The following ARID4A variants were observed in gnomAD, a reference collection of about 807,000 sequenced individuals.
ARID4A encodes AT-rich interaction domain 4A, also known as AT-rich interactive domain-containing protein 4A.
A neutral mutation model predicts 148.6 loss-of-function variants in ARID4A; 39 were observed. The ratio of observed to expected loss-of-function variants is 0.26; its 90% CI spans 0.20 to 0.34. The LOEUF (loss-of-function observed/expected upper bound fraction) is 0.34. Ranked by LOEUF, ARID4A falls within the 10% of genes least tolerant of loss-of-function variation. The probability of loss-of-function intolerance (pLI) is 1.00; values close to 1 mark genes in which losing one functional copy is unlikely to be tolerated. For synonymous variants in ARID4A, 475 were observed against 481.2 expected (o/e 0.99, Z 0.17); for missense variants, 1,265 against 1,449.1 (o/e 0.87, Z 2.06).
At chr14:58,301,508 T>A (rs1054373293) in intron 2 of ARID4A, 72 bp from the exon 3 acceptor site, 3 of 1,063,716 alleles carry the variant, frequency 2.8e-6, no homozygotes, top group Non-Finnish European at 4.2e-6. Context: ...AAACACAACC[T>A]TTTAATGAGA....
intron 11 of ARID4A, among the ~76,000 whole-genome samples, chr14:58,336,146 A>G (rs1266978044): frequency 2.0e-5 from 3 of 152,146 alleles, no homozygotes; most frequent in African/African-American, 4.8e-5. Context: ...GCGTAATACT[A>G]CCTTTTTCTA....
chr14:58,372,013 G>A lies in ARID4A; in HGVS notation c.*24G>A. The A allele has an allele frequency of 6.6e-7, 1 of 1,511,270 alleles. No individual in the cohort carries two copies. Among genetic ancestry groups the A allele is most frequent in the Non-Finnish European group, 9.2e-7 (1 of 1,089,308 alleles). The allele number at this position is 1,511,270 out of a possible 1,614,324, so 93.6% of individuals were successfully genotyped here. A position where few individuals can be genotyped will look rare whatever the true frequency, so the allele number is the denominator to read the frequency against. ...GATAAACATTTTCTCTACCTTCCCAGCAGTTTGCTGCCATGGACATAAATC... is the reference window on the plus strand; with the variant it reads ...GATAAACATTTTCTCTACCTTCCCAACAGTTTGCTGCCATGGACATAAATC... On this transcript the variant is annotated 3_prime_UTR_variant, in exon 24 of 24. Transcript: ENST00000355431.
At chr14:58,367,093 T>A in intron 23 of ARID4A, 64 bp downstream of exon 23, 1 of 1,223,540 alleles carries the variant, frequency 8.2e-7, no homozygotes, top group Non-Finnish European at 1.1e-6. Flanking sequence ...TTTAGAAGAT[T>A]TAAATTTGAT....
chr14:58,359,352 T>C, intron 18 of ARID4A, 136 bp downstream of exon 18: 1 of 714,014 alleles, frequency 1.4e-6, no homozygotes, highest in South Asian at 2.5e-5. Flanking sequence ...TCCCATATAC[T>C]CTCTGCCCCA....
intron 3 of ARID4A, 61 bp downstream of exon 3, chr14:58,301,751 A>G (rs983326955): frequency 3.6e-5 from 46 of 1,269,004 alleles, no homozygotes; most frequent in Non-Finnish European, 5.1e-5. Flanking sequence ...TTGGGGAGAG[A>G]GAGACTGCAA....
In ARID4A at chr14:58,365,046, A is replaced by G. The variant is rs2035292549; in HGVS notation, c.2957A>G (p.Asn986Ser). 1 of 1,613,934 alleles carries G rather than the reference A, an allele frequency of 6.2e-7. No homozygotes were observed. Among genetic ancestry groups the G allele is most frequent in the African/African-American group, 1.3e-5 (1 of 74,882 alleles). Residue 986 changes from asparagine (N) to serine (S), a missense_variant, in exon 20 of 24, where the codon AAC (asparagine) becomes AGC (serine). By Grantham distance (46) the Asn-to-Ser change is conservative. This residue lies in a region of ARID4A where 666 missense variants were observed against 730.9 expected (regional missense o/e 0.91). Coordinates refer to ENST00000355431, the MANE Select transcript of ARID4A (RefSeq NM_002892.4). ...EDVAVESSES[N>S]SLVSIPPALP... ...GTAGCAGTTGAAAGCTCTGAGTCTA[A>G]CTCTCTTGTTTCTATTCCACCTGCC... is the stretch of plus-strand genomic sequence containing the variant.
At chr14:58,350,969 C>G (rs2034611801) in intron 15 of ARID4A, 104 bp from the exon 16 acceptor site, 1 of 1,232,092 alleles carries the variant, frequency 8.1e-7, no homozygotes, top group East Asian at 2.6e-5. Context: ...GGCCACGTTT[C>G]AAGCCAGAGA....
chr14:58,337,759 T>C (rs996624006), intron 11 of ARID4A, among the ~76,000 whole-genome samples: 53 of 152,274 alleles, frequency 3.5e-4, no homozygotes, highest in African/African-American at 1.3e-3. Flanking sequence ...GCTTGTATTT[T>C]GTTCCACTTA....
chr14:58,353,079 A>G (rs1418910059), intron 16 of ARID4A, among the ~76,000 whole-genome samples: 1 of 152,184 alleles, frequency 6.6e-6, no homozygotes, highest in Non-Finnish European at 1.5e-5. Context: ...ATGGTTACTA[A>G]GGTAGATAGC....
intron 19 of ARID4A, among the ~76,000 whole-genome samples, chr14:58,362,889 T>C (rs542509905): frequency 3.3e-5 from 5 of 152,188 alleles, no homozygotes; most frequent in African/African-American, 9.6e-5. Flanking sequence ...GGTTGTCTTA[T>C]ATAAAAATTT....
Position 58,346,498 on chromosome 14 carries a change from G to A in ARID4A, c.1067G>A (p.Cys356Tyr). Residue 356 changes from cysteine to tyrosine, a missense_variant, in exon 13 of 24, where the codon TGT (cysteine) becomes TAT (tyrosine). Physicochemically the swap from Cys to Tyr is radical, Grantham distance 194. Transcript: ENST00000355431. The part of the protein sequence containing the change: ...LFRLVYHQGG[C>Y]DNIDSGAVWK... ...AGACTGGTTTATCATCAGGGTGGAT[G>A]TGACAATGTAAGTATAACATTGCTT... is the stretch of plus-strand genomic sequence containing the variant. The A allele has an allele frequency of 1.1e-5, 17 of 1,602,638 alleles. No homozygotes were observed. Among genetic ancestry groups the A allele is most frequent in the Non-Finnish European group, 1.4e-5 (16 of 1,171,270 alleles).
At chr14:58,362,016 A>C (rs762760279) in intron 19 of ARID4A, among the ~76,000 whole-genome samples, 1 of 152,178 alleles carries the variant, frequency 6.6e-6, no homozygotes, top group Non-Finnish European at 1.5e-5. Context: ...ACTTTTTCTC[A>C]TAAGTATCTT....
intron 8 of ARID4A, among the ~76,000 whole-genome samples, chr14:58,324,030 G>A (rs1161976118): frequency 6.6e-6 from 1 of 150,738 alleles, no homozygotes; most frequent in Non-Finnish European, 1.5e-5. Context: ...TCAGCCTCCG[G>A]AGTAGCTGGG....
chr14:58,316,049 TC>T (rs1382861230), intron 5 of ARID4A, among the ~76,000 whole-genome samples: 1 of 152,238 alleles, frequency 6.6e-6, no homozygotes, highest in African/African-American at 2.4e-5. Flanking sequence ...TAATTTTCTT[TC>T]AAAAAACTTA....
intron 8 of ARID4A, 79 bp downstream of exon 8, chr14:58,323,696 T>C: frequency 1.5e-6 from 2 of 1,362,398 alleles, no homozygotes; most frequent in South Asian, 2.6e-5. Context: ...GCATTTAAAA[T>C]ATTTTGAAAG....
At chr14:58,314,993 C>T (rs1013595700) in intron 5 of ARID4A, among the ~76,000 whole-genome samples, 1 of 152,024 alleles carries the variant, frequency 6.6e-6, no homozygotes, top group Non-Finnish European at 1.5e-5. Flanking sequence ...GTGACGTGCA[C>T]CTGTAATCCC....
At position 58,359,213 on chromosome 14, in the gene ARID4A, T is replaced by C; in HGVS notation, c.1935T>C (p.Ala645=). 1.6e-5 allele frequency: 26 copies of C among 1,590,910 alleles called. No individual in the cohort carries two copies. Among genetic ancestry groups the C allele is most frequent in the Non-Finnish European group, 2.1e-5 (25 of 1,174,004 alleles). ...GGPKKKQKKK[A]KNKEDSEKDE... ...CAAAGAAAAAACAGAAGAAAAAAGCTAAAGTATGTTTGTAGATTTATGTCC... is the reference window on the plus strand; with the variant it reads ...CAAAGAAAAAACAGAAGAAAAAAGCCAAAGTATGTTTGTAGATTTATGTCC... The change falls in exon 18 of 24, where the codon GCT becomes GCC. Residue 645 remains alanine (A), a synonymous_variant. Transcript: ENST00000355431.
At chr14:58,360,065 CAA>C (rs11376633) in intron 18 of ARID4A, among the ~76,000 whole-genome samples, 6 of 118,694 alleles carry the variant, frequency 5.1e-5, no homozygotes, top group Admixed American at 8.9e-5. Context: ...GACTCCGTCT[CAA>C]AAAAAAAAAA....
chr14:58,299,296 T>C (rs1270395737), intron 1 of ARID4A: 1 of 152,396 alleles, frequency 6.6e-6, no homozygotes, highest in Non-Finnish European at 1.5e-5. Context: ...GCTTCTCCTT[T>C]CTGACATGGT....
Sources: gnomAD v4.1 joint callset for allele counts (sites outside exome capture counted in the v4.1 genomes callset) on GRCh38, gnomAD v4.1.1 for gene constraint, gnomAD v4.1.1 regional missense constraint, MANE v1.5 for transcripts, NCBI Gene and HGNC (gene_info 2026-07-23, HGNC 2026-07-21) for gene names.